Variants in PIGR observed in about 807,000 individuals in gnomAD.
PIGR encodes the protein hepatocellular carcinoma associated protein TB6.
PIGR carries 22 observed loss-of-function variants against 69.5 expected under a neutral mutation model. The observed-to-expected ratio is 0.32, with a 90% CI of 0.23 to 0.45. The LOEUF is 0.45. Among genes scored for constraint, PIGR ranks in the 20% least tolerant of loss-of-function variants. The probability of loss-of-function intolerance (pLI) is 1.00; values close to 1 mark genes in which losing one functional copy is unlikely to be tolerated. For missense variants in PIGR, 885 were observed against 974.0 expected, an observed-to-expected ratio of 0.91 and a Z score of 1.22; for synonymous variants, 413 against 407.6, an observed-to-expected ratio of 1.01 and a Z score of -0.16.
chr1:206,931,066 G>A (rs907844530), intron 10 of PIGR: 17 of 985,254 alleles, frequency 1.7e-5, no homozygotes, highest in Non-Finnish European at 2.0e-5. Context: ...ACTGCCCACC[G>A]CAAGCAAATG....
chr1:206,940,721 C>T (rs1429690845), intron 1 of PIGR, 137 bp from the exon 2 acceptor site: 1 of 566,324 alleles, frequency 1.8e-6, no homozygotes, highest in Non-Finnish European at 3.2e-6. Flanking sequence ...TCAGTGCCTC[C>T]ACTTTTTCCA....
At chr1:206,932,860 G>C (rs1286395845) in intron 7 of PIGR, 126 bp downstream of exon 7, 9 of 953,830 alleles carry the variant, frequency 9.4e-6, no homozygotes, top group Non-Finnish European at 1.4e-5. Flanking sequence ...CATATAAGCA[G>C]AGGTAGTAAG....
intron 1 of PIGR, among the ~76,000 whole-genome samples, chr1:206,945,844 A>G (rs2102606209): frequency 6.6e-6 from 1 of 152,340 alleles, no homozygotes; most frequent in East Asian, 1.9e-4. Flanking sequence ...GAAAAATATG[A>G]AACAATTCCT....
chr1:206,944,721 A>G (rs75263575), intron 1 of PIGR, among the ~76,000 whole-genome samples: 3 of 152,174 alleles, frequency 2.0e-5, no homozygotes, highest in African/African-American at 7.2e-5. Flanking sequence ...CAAGACATAG[A>G]TGAAGGTCTC....
Position 206,937,635 on chromosome 1 carries a change from T to C in PIGR, c.505A>G (p.Ile169Val), listed in dbSNP as rs745851540. 1 of 1,613,878 alleles carries C rather than the reference T, an allele frequency of 6.2e-7. No individual in the cohort carries two copies. Among genetic ancestry groups the C allele is most frequent in the Non-Finnish European group, 8.5e-7 (1 of 1,179,888 alleles). Residue 169 changes from isoleucine (I) to valine (V), a missense_variant, in exon 4 of 11, where the codon ATA becomes GTA. Coordinates refer to ENST00000356495, the MANE Select transcript of PIGR (RefSeq NM_002644.4). The part of the protein sequence containing the change: ...AQKRKSLYKQ[I>V]GLYPVLVIDS... ...ATGACCAGCACAGGGTACAGGCCTATCTGCTTGTACAAGGACTTCCTCTTT... is the reference window on the plus strand; with the variant it reads ...ATGACCAGCACAGGGTACAGGCCTACCTGCTTGTACAAGGACTTCCTCTTT...
intron 7 of PIGR, among the ~76,000 whole-genome samples, 161 bp downstream of exon 7, chr1:206,932,825 C>G (rs1679783617): frequency 6.6e-6 from 1 of 152,176 alleles, no homozygotes; most frequent in Non-Finnish European, 1.5e-5. Flanking sequence ...GGGAGAAGGG[C>G]AGAGGGTACC....
chr1:206,934,634 C>T lies in PIGR; in HGVS notation c.1491G>A (p.Lys497=), dbSNP rs369256547. The T allele has an allele frequency of 2.5e-6, 4 of 1,614,218 alleles. No individual in the cohort carries two copies. In the South Asian group the frequency reaches 4.4e-5, roughly 18 times the overall value. Reference sequence around the variant, plus strand: ...GGGCCTGGCAGCCCGTGTTATTCCACTTGCACCAGTATTTCTCGTACGAGG... The same window carrying T: ...GGGCCTGGCAGCCCGTGTTATTCCATTTGCACCAGTATTTCTCGTACGAGG... ...KFSSYEKYWC[K]WNNTGCQALP... Residue 497 remains lysine, a synonymous_variant, in exon 6 of 11, where the codon AAG becomes AAA. Transcript: ENST00000356495.
intron 1 of PIGR, among the ~76,000 whole-genome samples, chr1:206,945,664 G>A (rs1474203841): frequency 6.6e-6 from 1 of 152,220 alleles, no homozygotes; most frequent in Non-Finnish European, 1.5e-5. Flanking sequence ...AAGGATTTCA[G>A]AGGTTCTTGG....
chr1:206,940,442 C>A (rs895881293), intron 2 of PIGR, 47 bp downstream of exon 2: 15 of 1,536,676 alleles, frequency 9.8e-6, no homozygotes, highest in Non-Finnish European at 1.2e-5. Flanking sequence ...TGGAGTCGGG[C>A]AGGCTGAAGG....
chr1:206,940,752 A>AG (rs1679966480), intron 1 of PIGR, among the ~76,000 whole-genome samples, 168 bp from the exon 2 acceptor site: 1 of 152,244 alleles, frequency 6.6e-6, no homozygotes. Context: ...AAGTCTTATC[A>AG]TCCTTCAACA....
intron 1 of PIGR, among the ~76,000 whole-genome samples, chr1:206,944,093 G>C (rs1358594690): frequency 6.6e-6 from 1 of 152,208 alleles, no homozygotes; most frequent in South Asian, 2.1e-4. Flanking sequence ...AGTGGAGAGA[G>C]GAAGAAGCAG....
At chr1:206,934,860 T>TA in intron 5 of PIGR, 114 bp from the exon 6 acceptor site, 2 of 596,174 alleles carry the variant, frequency 3.4e-6, no homozygotes, top group Non-Finnish European at 5.3e-6. Context: ...TATATATATA[T>TA]TTTTGTTTTT....
At chr1:206,940,431 C>A in intron 2 of PIGR, 58 bp downstream of exon 2, 1 of 1,513,336 alleles carries the variant, frequency 6.6e-7, no homozygotes. Context: ...GAGGTGAACC[C>A]TGGAGTCGGG....
At chr1:206,938,163 C>T (rs953203174) in intron 3 of PIGR, among the ~76,000 whole-genome samples, 1 of 152,202 alleles carries the variant, frequency 6.6e-6, no homozygotes, top group African/African-American at 2.4e-5. Flanking sequence ...AATGTAAATG[C>T]AGGGTGATGG....
In PIGR at chr1:206,930,812, G is replaced by C. The variant is rs559564473; in HGVS notation, c.2200-399C>G. On this transcript the variant is annotated intron_variant, in intron 10 of 10. Transcript: ENST00000356495. The surrounding 1 kb of genome is among the most constrained non-coding windows in gnomAD (Gnocchi z 4.3). ...TGGCACCACAAAGTTAAAGGGGAAG[G>C]CTGTCCCAGGAATAACTCGTTCTAA... 38 of 985,382 alleles carry C rather than the reference G, an allele frequency of 3.9e-5. No individual in the cohort carries two copies. In the African/African-American group the frequency reaches 6.1e-4, roughly 16 times the overall value. 61.0% of individuals were successfully genotyped at this position (985,382 alleles called of 1,614,324 possible).
At chr1:206,932,841 AC>A (rs1479349847) in intron 7 of PIGR, 144 bp downstream of exon 7, 7 of 847,328 alleles carry the variant, frequency 8.3e-6, no homozygotes, top group Non-Finnish European at 1.3e-5. Context: ...GTACCATAGG[AC>A]CCTCCCACAT....
At chr1:206,941,377 G>A (rs138575594) in intron 1 of PIGR, among the ~76,000 whole-genome samples, 1 of 152,154 alleles carries the variant, frequency 6.6e-6, no homozygotes, top group African/African-American at 2.4e-5. Flanking sequence ...AAATACAAGA[G>A]CATGCTTTTA....
Position 206,930,322 on chromosome 1 carries a change from G to C in PIGR, c.2291C>G (p.Ala764Gly). 3 of 1,611,214 alleles carry C rather than the reference G, an allele frequency of 1.9e-6. No individual in the cohort carries two copies. The highest frequency in any genetic ancestry group is 2.5e-6 in the Non-Finnish European group (3 of 1,178,550). ...AAEAQDGPQEA is the reference protein window; with the variant it reads ...AAEAQDGPQEG ...GGGAGCAGGCGGCGACACCGTCTAG[G>C]CTTCCTGGGGGCCGTCCTGGGCCTC... The change falls in exon 11 of 11, where the codon GCC becomes GGC. Residue 764 changes from alanine (A) to glycine (G), a missense_variant. Coordinates refer to ENST00000356495, the MANE Select transcript of PIGR (RefSeq NM_002644.4). This position sits in a 1 kb window ranked among gnomAD's most constrained non-coding sequence, Gnocchi z 4.3.
Position 206,931,556 on chromosome 1 carries a change from CTGTG to C in PIGR, c.2141-5_2141-2del, listed in dbSNP as rs760259613. On this transcript the variant is annotated splice_acceptor_variant and splice_polypyrimidine_tract_variant and intron_variant, in intron 9 of 10. Coordinates refer to ENST00000356495, the MANE Select transcript of PIGR (RefSeq NM_002644.4). LOFTEE classifies it high-confidence loss of function. ...GTGCTCTCAGTGGTGGCAACAAACT[CTGTG>C]TGAAGAAAGAGGGTAGGTTAGCCCT... The C allele has an allele frequency of 6.2e-7, 1 of 1,614,072 alleles. No homozygotes were observed. The highest frequency in any genetic ancestry group is 8.5e-7 in the Non-Finnish European group (1 of 1,179,986).
Sources: allele counts gnomAD v4.1 joint callset (sites outside exome capture counted in the v4.1 genomes callset), GRCh38; gene constraint gnomAD v4.1.1; non-coding constraint Gnocchi (gnomAD v3.1); transcripts MANE v1.5; gene names NCBI Gene and HGNC (gene_info 2026-07-23, HGNC 2026-07-21).